ZFYVE26: variants seen among roughly 807,000 people sequenced by gnomAD.
The protein encoded by ZFYVE26 is zinc finger FYVE domain-containing protein 26.
ZFYVE26 carries 181 observed loss-of-function variants against 276.5 expected under a neutral mutation model. The observed-to-expected ratio is 0.65, with a 90% CI of 0.58 to 0.74. ZFYVE26 has a LOEUF of 0.74. Among genes scored for constraint, ZFYVE26 ranks in the 30% least tolerant of loss-of-function variants. The pLI is 0.00. For missense variants in ZFYVE26, 2,821 were observed against 3,097.9 expected (o/e 0.91, Z 2.12); for synonymous variants, 1,129 against 1,203.1 (o/e 0.94, Z 1.27).
At chr14:67,797,444 G>A in intron 12 of ZFYVE26, 1 of 591,270 alleles carries the variant, frequency 1.7e-6, no homozygotes. Context: ...TCAATATATA[G>A]TATAATGCAT....
chr14:67,767,828 G>A lies in ZFYVE26; in HGVS notation c.5666C>T (p.Ser1889Phe). Residue 1889 changes from serine to phenylalanine, a missense_variant, in exon 31 of 42, where the codon TCC becomes TTC. Transcript: ENST00000347230. ...CGAGTATGGAGGGCTTTCATTCTTG[G>A]AGCTGTCTAGAGCTGAGAAGAGAAA... ...PSEKPEALDS[S>F]KNESPPYSFV... is the part of the protein sequence containing the mutation. The A allele has an allele frequency of 1.9e-6, 3 of 1,614,144 alleles. No homozygotes were observed. The highest frequency in any genetic ancestry group is 1.7e-5 in the Admixed American group (1 of 60,018).
Position 67,748,229 on chromosome 14 carries a change from T to C in ZFYVE26, c.*207A>G, listed in dbSNP as rs2038536557. On this transcript the variant is annotated 3_prime_UTR_variant, in exon 42 of 42. Transcript: ENST00000347230. ...CTGGCCATCTCCAGACAAACACACA[T>C]AGATTCCACAATTTTAGAGAAACAT... is the stretch of plus-strand genomic sequence containing the variant. The C allele has an allele frequency of 1.6e-6, 1 of 613,968 alleles. No individual in the cohort carries two copies. Among genetic ancestry groups the C allele is most frequent in the Non-Finnish European group, 2.9e-6 (1 of 350,744 alleles). The allele number at this position is 613,968 out of a possible 1,614,324, so 38.0% of individuals were successfully genotyped here.
At chr14:67,738,210 T>G (rs1169577953) in intron 13 of ZFYVE26, among the ~76,000 whole-genome samples, 2 of 151,868 alleles carry the variant, frequency 1.3e-5, no homozygotes, top group Non-Finnish European at 2.9e-5. Context: ...CATTAGCCTA[T>G]GTATGTAAAG....
At chr14:67,790,847 T>C (rs148166660) in intron 14 of ZFYVE26, 74 bp from the exon 15 acceptor site, 2 of 1,391,170 alleles carry the variant, frequency 1.4e-6, no homozygotes, top group East Asian at 4.6e-5. Context: ...TAGGAGATCT[T>C]GCCAACCATT....
rs748628696 is a variant in ZFYVE26, at chr14:67,790,743, G to T, written c.2584C>A (p.Pro862Thr). Reference protein sequence around the residue: ...VLFTFNLKSSPSSGELMFMER... With the variant: ...VLFTFNLKSSTSSGELMFMER... The stretch of plus-strand genomic sequence containing the variant: ...ATGAACATCAGTTCCCCTGAACTGG[G>T]TGAGGACTTCAGGTTGAACGTGAAC... Residue 862 changes from proline (P) to threonine (T), a missense_variant, in exon 15 of 42, where the codon CCC (proline) becomes ACC (threonine). Physicochemically the swap from Pro to Thr is conservative, Grantham distance 38. Transcript: ENST00000347230. The T allele has an allele frequency of 6.2e-7, 1 of 1,614,170 alleles. No individual in the cohort carries two copies. The highest frequency in any genetic ancestry group is 1.7e-5 in the Admixed American group (1 of 60,016).
Position 67,796,410 on chromosome 14 carries a change from T to A in ZFYVE26, c.2332+1262A>T, listed in dbSNP as rs148114135. Reference sequence around the variant, plus strand: ...TAGTAGAGACAGGGTTTTACTATGTTAGCCAGGCTGGTCTTGAACTCCTTA... The same window carrying A: ...TAGTAGAGACAGGGTTTTACTATGTAAGCCAGGCTGGTCTTGAACTCCTTA... On this transcript the variant is annotated intron_variant, in intron 12 of 41. Transcript: ENST00000347230. 2.1e-4 allele frequency: 32 copies of A among 151,932 alleles called. No homozygotes were observed. The East Asian group carries it at 5.5e-3, about 26-fold the overall frequency. The allele number at this position is 151,932 out of a possible 1,614,324, so 9.4% of individuals were successfully genotyped here.
Position 67,798,221 on chromosome 14 carries a change from C to T in ZFYVE26, c.2041G>A (p.Asp681Asn), listed in dbSNP as rs901492590. Residue 681 changes from aspartate (D) to asparagine (N), a missense_variant, in exon 11 of 42, where the codon GAT (aspartate) becomes AAT (asparagine). Asp to Asn is a conservative substitution (Grantham distance 23). Transcript: ENST00000347230. ...AGGAAGGCCCCTATTGCAAATTCAT[C>T]AGCCAGAAATCCACTGATACCACTA... ...FTSGISGFLADEFAIGAFLRL... is the reference protein window; with the variant it reads ...FTSGISGFLANEFAIGAFLRL... 6.2e-7 allele frequency: 1 copy of T among 1,614,212 alleles called. No homozygotes were observed.
At chr14:67,785,731 C>T (rs2039633503) in intron 18 of ZFYVE26, 127 bp downstream of exon 18, 2 of 1,291,192 alleles carry the variant, frequency 1.5e-6, no homozygotes, top group Non-Finnish European at 2.2e-6. Flanking sequence ...CATGCCCTGG[C>T]TAACTAAAGG....
At chr14:67,763,214 T>C (rs1315814589) in intron 32 of ZFYVE26, among the ~76,000 whole-genome samples, 1 of 152,196 alleles carries the variant, frequency 6.6e-6, no homozygotes, top group Non-Finnish European at 1.5e-5. Context: ...AAAGTGATCA[T>C]GAGAATTGAG....
chr14:67,767,878 C>A, intron 30 of ZFYVE26, 38 bp from the exon 31 acceptor site: 1 of 1,613,934 alleles, frequency 6.2e-7, no homozygotes, highest in Non-Finnish European at 8.5e-7. Context: ...CATTCACTGG[C>A]TGGCAGTTCA....
intron 10 of ZFYVE26, chr14:67,798,975 G>C (rs538027721): frequency 5.3e-6 from 6 of 1,129,254 alleles, no homozygotes; most frequent in Admixed American, 1.7e-5. Context: ...TGGGAGGGGC[G>C]GGGGTGATTT....
At position 67,729,302 on chromosome 14, in the gene ZFYVE26, C is replaced by T. The variant is rs777133046; in HGVS notation, n.3197G>A. The T allele has an allele frequency of 1.2e-6, 2 of 1,602,472 alleles. No individual in the cohort carries two copies. The highest frequency in any genetic ancestry group is 1.1e-5 in the South Asian group (1 of 91,002). Reference sequence around the variant, plus strand: ...CGGCTCTTCTCCCCCTTTGTCAAGACGGCACGGGAGGGGGCGCAGACCAGC... The same window carrying T: ...CGGCTCTTCTCCCCCTTTGTCAAGATGGCACGGGAGGGGGCGCAGACCAGC... On this transcript the variant is annotated non_coding_transcript_exon_variant, in exon 14 of 15. Transcript: ENST00000394455.
chr14:67,815,952 T>C lies in ZFYVE26; in HGVS notation c.12A>G (p.Pro4=), dbSNP rs771176360. The C allele has an allele frequency of 6.8e-6, 11 of 1,611,532 alleles. No individual in the cohort carries two copies. The highest frequency in any genetic ancestry group is 1.6e-4 in the Middle Eastern group (1 of 6,074). MNH[P]FGKEEAASQK... ...GCGAAGCAGCTTCCTCTTTTCCAAA[T>C]GGATGATTCATTTTCCCAGCACAGA... is the stretch of plus-strand genomic sequence containing the variant. Residue 4 remains proline, a synonymous_variant, in exon 2 of 42, where the codon CCA becomes CCG. Transcript: ENST00000347230.
chr14:67,799,372 GA>G, intron 10 of ZFYVE26: 1 of 1,611,384 alleles, frequency 6.2e-7, no homozygotes, highest in Non-Finnish European at 8.5e-7. Context: ...TCAAAGAATC[GA>G]AACAAAAGAT....
rs1404747518 is a variant in ZFYVE26, at chr14:67,756,044, G to A, written c.6690C>T (p.Thr2230=). The change falls in exon 36 of 42, where the codon ACC becomes ACT. Residue 2230 remains threonine (T), a synonymous_variant. Coordinates refer to ENST00000347230, the MANE Select transcript of ZFYVE26 (RefSeq NM_015346.4). ...TCAAGTACTTTCCCCAGCTCTCCAA[G>A]GTTGGATCAATGGATTCTAGCAAGT... is the stretch of plus-strand genomic sequence containing the variant. ...LENLLESIDP[T]LESWGKYLIA... The A allele has an allele frequency of 1.2e-6, 2 of 1,614,118 alleles. No homozygotes were observed. Among genetic ancestry groups the A allele is most frequent in the Admixed American group, 1.7e-5 (1 of 60,008 alleles).
chr14:67,759,066 C>T (rs187579897), intron 35 of ZFYVE26, among the ~76,000 whole-genome samples: 16,671 of 149,718 alleles, frequency 0.11, 1,044 homozygotes, highest in Middle Eastern at 0.22. Flanking sequence ...GGTGAAACCC[C>T]GTCTCTACTA....
chr14:67,773,550 G>A (rs75422265), intron 27 of ZFYVE26, among the ~76,000 whole-genome samples: 1,229 of 15,590 alleles, frequency 0.079, 23 homozygotes, highest in African/African-American at 0.1. Context: ...AAAAAAAAAA[G>A]GCGCACACAC....
intron 13 of ZFYVE26, chr14:67,729,856 T>C: frequency 2.2e-6 from 1 of 457,282 alleles, no homozygotes; most frequent in Non-Finnish European, 4.4e-6. Context: ...TAGTGCTGAA[T>C]CTTATCATGA....
At chr14:67,816,383 T>G (rs2040410888) in intron 1 of ZFYVE26, among the ~76,000 whole-genome samples, 151 bp downstream of exon 1, 1 of 152,066 alleles carries the variant, frequency 6.6e-6, no homozygotes, top group Non-Finnish European at 1.5e-5. Flanking sequence ...GGAACCTCCC[T>G]AGTTTGAGCC....
Sources: gnomAD v4.1 joint callset for allele counts (sites outside exome capture counted in the v4.1 genomes callset) on GRCh38, gnomAD v4.1.1 for gene constraint, MANE v1.5 for transcripts, NCBI Gene and HGNC (gene_info 2026-07-23, HGNC 2026-07-21) for gene names.